The following GOLGA1 variants were observed in gnomAD, a reference collection of about 807,000 sequenced individuals.
GOLGA1 encodes the protein golgin A1.
Under a neutral mutation model 119.7 loss-of-function variants are expected in GOLGA1, and 63 were observed. That is an observed-to-expected ratio of 0.53 (90% CI 0.43 to 0.65). The LOEUF (loss-of-function observed/expected upper bound fraction) is 0.65. Among genes scored for constraint, GOLGA1 ranks in the 30% least tolerant of loss-of-function variants. GOLGA1 has a pLI of 0.00. For synonymous variants in GOLGA1, 318 were observed against 333.4 expected (o/e 0.95, Z 0.50); for missense variants, 798 against 912.8 (o/e 0.87, Z 1.62).
At chr9:124,915,807 T>C (rs1342015762) in intron 10 of GOLGA1, among the ~76,000 whole-genome samples, 1 of 136,110 alleles carries the variant, frequency 7.3e-6, no homozygotes, top group Non-Finnish European at 1.6e-5. Context: ...AATAGATAGA[T>C]AAAATAAAAT....
Position 124,903,183 on chromosome 9 carries a change from ATGTC to A in GOLGA1, c.1066-2640_1066-2637del, listed in dbSNP as rs886183499. 1.3e-3 allele frequency among the ~76,000 whole-genome samples: 202 copies of A among 152,286 alleles called. 3 individuals carry two copies. Among genetic ancestry groups the A allele is most frequent in the African/African-American group, 4.5e-3 (186 of 41,574 alleles). ...CAGCCAAAAGATAGAAACAACGCAA[ATGTC>A]CATCAAAAGCTGGGTGTGGGTTGGG... On this transcript the variant is annotated intron_variant, in intron 12 of 22. Coordinates refer to ENST00000373555, the MANE Select transcript of GOLGA1 (RefSeq NM_002077.4).
chr9:124,915,340 C>T (rs1349138091), intron 10 of GOLGA1, among the ~76,000 whole-genome samples: 1 of 152,174 alleles, frequency 6.6e-6, no homozygotes, highest in Non-Finnish European at 1.5e-5. Context: ...ATCTGTAAAG[C>T]TCTTGAATAC....
In GOLGA1 at chr9:124,911,876, C is replaced by T. The variant is rs1019170570; in HGVS notation, c.969+25G>A. On this transcript the variant is annotated intron_variant, in intron 11 of 22. Coordinates refer to ENST00000373555, the MANE Select transcript of GOLGA1 (RefSeq NM_002077.4). ...ATCAACCCTGCCTTTCCAACACCAG[C>T]CAGCCCAAAGAGAACAGAAGTTACC... 3 of 1,603,852 alleles carry T rather than the reference C, an allele frequency of 1.9e-6. No individual in the cohort carries two copies. In the South Asian group the frequency reaches 3.3e-5, roughly 18 times the overall value.
chr9:124,884,873 A>G (rs1467202905), intron 19 of GOLGA1, among the ~76,000 whole-genome samples: 1 of 152,212 alleles, frequency 6.6e-6, no homozygotes, highest in Non-Finnish European at 1.5e-5. Context: ...CGGCAACAAA[A>G]AAGTCAAAAG....
intron 11 of GOLGA1, among the ~76,000 whole-genome samples, chr9:124,909,326 G>A (rs1250214082): frequency 6.7e-6 from 1 of 150,132 alleles, no homozygotes; most frequent in Non-Finnish European, 1.5e-5. Flanking sequence ...AAAAAAATGG[G>A]GCTGGGAGCG....
At chr9:124,917,107 A>G in intron 10 of GOLGA1, among the ~76,000 whole-genome samples, 1 of 152,136 alleles carries the variant, frequency 6.6e-6, no homozygotes, top group East Asian at 1.9e-4. Context: ...TGGGAAACTA[A>G]AGAAGATAGT....
chr9:124,908,421 C>A lies in GOLGA1; in HGVS notation c.1021G>T (p.Ala341Ser), dbSNP rs772902845. Residue 341 changes from alanine to serine, a missense_variant, in exon 12 of 23, where the codon GCC (alanine) becomes TCC (serine). Physicochemically the swap from Ala to Ser is moderately conservative, Grantham distance 99. Coordinates refer to ENST00000373555, the MANE Select transcript of GOLGA1 (RefSeq NM_002077.4). ...ATGGCCTTAGCCTGGCTGCTTCTGG[C>A]TGCCAAGAGCTGTTGTCTGGTATCC... is the stretch of plus-strand genomic sequence containing the variant. ...LEDTRQQLLA[A>S]RSSQAKAINT... 2 of 1,611,652 alleles carry A rather than the reference C, an allele frequency of 1.2e-6. No homozygotes were observed. Among genetic ancestry groups the A allele is most frequent in the Admixed American group, 3.3e-5 (2 of 60,026 alleles).
upstream of GOLGA1, chr9:124,945,398 A>T (rs899872268): frequency 1.3e-5 from 2 of 152,120 alleles, no homozygotes; most frequent in African/African-American, 4.8e-5. Flanking sequence ...TCTACTAAAA[A>T]TACAAAATTA....
intron 12 of GOLGA1, among the ~76,000 whole-genome samples, chr9:124,906,759 A>T (rs979735058): frequency 6.6e-6 from 1 of 152,172 alleles, no homozygotes; most frequent in Non-Finnish European, 1.5e-5. Context: ...TCTCAAAAGA[A>T]AAAAAAGATA....
intron 2 of GOLGA1, 45 bp from the exon 3 acceptor site, chr9:124,938,911 A>C: frequency 2.1e-6 from 1 of 473,244 alleles, no homozygotes; most frequent in Non-Finnish European, 3.7e-6. Flanking sequence ...AAACATTGGA[A>C]AGATTTCGCA....
intron 12 of GOLGA1, 107 bp downstream of exon 12, chr9:124,908,270 C>A: frequency 1.4e-6 from 1 of 720,222 alleles, no homozygotes. Flanking sequence ...CAAAAATAAT[C>A]CCTTCTAGTG....
At chr9:124,927,088 G>A (rs1468027448) in intron 6 of GOLGA1, among the ~76,000 whole-genome samples, 4 of 152,086 alleles carry the variant, frequency 2.6e-5, no homozygotes, top group Non-Finnish European at 5.9e-5. Flanking sequence ...GTTATTTCTT[G>A]GGAGTGGGTA....
At chr9:124,934,456 T>C (rs149544509) in intron 3 of GOLGA1, among the ~76,000 whole-genome samples, 8 of 152,198 alleles carry the variant, frequency 5.3e-5, no homozygotes, top group Non-Finnish European at 1.0e-4. Context: ...GTCAGAGGAA[T>C]GCAGGAGTGA....
chr9:124,912,024 G>A lies in GOLGA1; in HGVS notation c.846C>T (p.Val282=). ...IQQLSIDLQK[V]TAETQEKEDV... is the part of the protein sequence containing the mutation. Reference sequence around the variant, plus strand: ...CTTCTTTCTCTTGAGTTTCAGCAGTGACCTGCAGGTGAAAGCAGAGATCAC... The same window carrying A: ...CTTCTTTCTCTTGAGTTTCAGCAGTAACCTGCAGGTGAAAGCAGAGATCAC... Residue 282 remains valine, a splice_region_variant and synonymous_variant, in exon 11 of 23, where the codon GTC becomes GTT. Coordinates refer to ENST00000373555, the MANE Select transcript of GOLGA1 (RefSeq NM_002077.4). 6.2e-7 allele frequency: 1 copy of A among 1,612,916 alleles called. No individual in the cohort carries two copies.
At chr9:124,901,065 G>GGCCA (rs922324535) in intron 12 of GOLGA1, among the ~76,000 whole-genome samples, 1 of 150,412 alleles carries the variant, frequency 6.6e-6, no homozygotes, top group African/African-American at 2.5e-5. Flanking sequence ...TCCGCCTCCT[G>GGCCA]GGTTCACGTC....
Position 124,881,049 on chromosome 9 carries a change from C to T in GOLGA1, c.2223+122G>A. The T allele has an allele frequency of 4.3e-6, 3 of 700,020 alleles. No individual in the cohort carries two copies. Among genetic ancestry groups the T allele is most frequent in the Middle Eastern group, 2.5e-4 (1 of 3,976 alleles). 43.4% of individuals were successfully genotyped at this position (700,020 alleles called of 1,614,324 possible). The stretch of plus-strand genomic sequence containing the variant: ...TCAAGTTCATCCAAAAGCAGCCAAG[C>T]TGATCATGCAGCTGTGCTGGTGCCT... On this transcript the variant is annotated intron_variant, in intron 22 of 22. Coordinates refer to ENST00000373555, the MANE Select transcript of GOLGA1 (RefSeq NM_002077.4). The surrounding 1 kb of genome is among the most constrained non-coding windows in gnomAD (Gnocchi z 4.9).
At chr9:124,893,611 T>G (rs1427957626) in intron 15 of GOLGA1, among the ~76,000 whole-genome samples, 1 of 152,160 alleles carries the variant, frequency 6.6e-6, no homozygotes, top group Non-Finnish European at 1.5e-5. Flanking sequence ...GGGTGCTGGT[T>G]ACTTCCCGTT....
At chr9:124,933,809 C>G (rs1294574999) in intron 3 of GOLGA1, among the ~76,000 whole-genome samples, 1 of 152,162 alleles carries the variant, frequency 6.6e-6, no homozygotes, top group African/African-American at 2.4e-5. Context: ...ATGAGCTTCC[C>G]TGGTAGACAT....
At chr9:124,932,646 T>G (rs1830790156) in intron 3 of GOLGA1, among the ~76,000 whole-genome samples, 2 of 152,244 alleles carry the variant, frequency 1.3e-5, no homozygotes, top group African/African-American at 4.8e-5. Flanking sequence ...ATATGTGTCA[T>G]CTATTACTAG....
Sources: gnomAD v4.1 joint callset for allele counts (sites outside exome capture counted in the v4.1 genomes callset) on GRCh38, gnomAD v4.1.1 for gene constraint, Gnocchi (gnomAD v3.1) non-coding constraint, MANE v1.5 for transcripts, NCBI Gene and HGNC (gene_info 2026-07-23, HGNC 2026-07-21) for gene names.